COL21A1: variants seen among roughly 807,000 people sequenced by gnomAD.
The protein encoded by COL21A1 is collagen type XXI alpha 1 chain, also known as collagen alpha-1(XXI) chain.
In COL21A1, 149 loss-of-function variants were observed where a neutral mutation model predicts 137.9. The ratio of observed to expected loss-of-function variants is 1.08; its 90% CI spans 0.95 to 1.24. COL21A1 has a LOEUF of 1.24. Among genes scored for constraint, COL21A1 ranks in the 50% most tolerant of loss-of-function variants. The pLI, the probability that COL21A1 is intolerant of heterozygous loss-of-function variation, is 0.00. For missense variants in COL21A1, 1,167 were observed against 1,158.4 expected (o/e 1.01, Z -0.11); for synonymous variants, 456 against 391.5 (o/e 1.16, Z -1.95).
intron 1 of COL21A1, among the ~76,000 whole-genome samples, chr6:56,290,948 C>T (rs1171586090): frequency 6.6e-6 from 1 of 152,090 alleles, no homozygotes; most frequent in East Asian, 1.9e-4. Flanking sequence ...TCGAGAACCA[C>T]TTCTCTACAC....
chr6:56,264,425 T>C (rs968571427), intron 1 of COL21A1, among the ~76,000 whole-genome samples: 1 of 152,210 alleles, frequency 6.6e-6, no homozygotes, highest in Non-Finnish European at 1.5e-5. Flanking sequence ...CTCCTTCTCA[T>C]TCCCTTTGGG....
intron 1 of COL21A1, among the ~76,000 whole-genome samples, chr6:56,373,809 C>G (rs115618894): frequency 0.017 from 2,605 of 152,218 alleles, 65 homozygotes; most frequent in African/African-American, 0.06. Context: ...TATTATTAAC[C>G]AGTGAGGGTA....
At chr6:56,311,740 G>C (rs1764621026) in intron 1 of COL21A1, among the ~76,000 whole-genome samples, 1 of 152,168 alleles carries the variant, frequency 6.6e-6, no homozygotes, top group Non-Finnish European at 1.5e-5. Context: ...ATTAGGCCCT[G>C]GGCTGAGCCT....
At chr6:56,363,783 C>G (rs1388801876) in intron 1 of COL21A1, among the ~76,000 whole-genome samples, 1 of 37,510 alleles carries the variant, frequency 2.7e-5, no homozygotes, top group Non-Finnish European at 5.3e-5. Flanking sequence ...CAAAATACCC[C>G]CCGACACATT....
intron 1 of COL21A1, among the ~76,000 whole-genome samples, chr6:56,287,239 C>G (rs1332372005): frequency 6.6e-6 from 1 of 152,192 alleles, no homozygotes; most frequent in African/African-American, 2.4e-5. Flanking sequence ...TTTTCAAACT[C>G]TTTTACATTG....
intron 1 of COL21A1, among the ~76,000 whole-genome samples, chr6:56,186,632 G>A (rs1368292287): frequency 1.3e-5 from 2 of 152,128 alleles, no homozygotes; most frequent in Admixed American, 1.3e-4. Flanking sequence ...GTAGAACAAA[G>A]TGAATTTAGC....
chr6:56,110,354 T>G (rs934654366), intron 16 of COL21A1, among the ~76,000 whole-genome samples: 2 of 151,668 alleles, frequency 1.3e-5, no homozygotes, highest in African/African-American at 4.8e-5. Flanking sequence ...CTCATCCTGA[T>G]GCAGGGCTTT....
At chr6:56,359,024 A>G (rs1765902326) in intron 1 of COL21A1, among the ~76,000 whole-genome samples, 1 of 151,596 alleles carries the variant, frequency 6.6e-6, no homozygotes, top group South Asian at 2.1e-4. Context: ...TAATATATTG[A>G]ATAATTTTTC....
intron 16 of COL21A1, among the ~76,000 whole-genome samples, chr6:56,121,921 G>A (rs955529161): frequency 6.6e-6 from 1 of 151,976 alleles, no homozygotes; most frequent in South Asian, 2.1e-4. Flanking sequence ...TTGTTTTTAG[G>A]AGACCCATGC....
chr6:56,219,405 C>T (rs563873384), intron 1 of COL21A1, among the ~76,000 whole-genome samples: 1 of 151,852 alleles, frequency 6.6e-6, no homozygotes, highest in Admixed American at 6.6e-5. Context: ...CAGAAAGGGC[C>T]CAATTCTTCT....
intron 1 of COL21A1, among the ~76,000 whole-genome samples, chr6:56,285,827 G>A (rs1348065913): frequency 1.4e-5 from 2 of 144,346 alleles, no homozygotes; most frequent in African/African-American, 5.2e-5. Flanking sequence ...CATCCTGAAG[G>A]CACAGTCTTT....
chr6:56,169,594 G>A (rs918034756), intron 5 of COL21A1, among the ~76,000 whole-genome samples: 4 of 151,808 alleles, frequency 2.6e-5, no homozygotes, highest in African/African-American at 9.7e-5. Context: ...TAAAAACCCT[G>A]CATTTTATTA....
rs374806853 is a variant in COL21A1 at position 56,389,465 on chromosome 6, G to C, written c.-39+4506C>G. On this transcript the variant is annotated intron_variant, in intron 1 of 28. Coordinates refer to the COL21A1 transcript ENST00000370819. Reference sequence around the variant, plus strand: ...AGTAGACTTAAAATGACAGATCTAAGAGTTACTGGCCTTAAAGAGGATGTA... The same window carrying C: ...AGTAGACTTAAAATGACAGATCTAACAGTTACTGGCCTTAAAGAGGATGTA... Among the ~76,000 whole-genome samples the C allele has an allele frequency of 2.7e-5, 4 of 150,800 alleles. No individual in the cohort carries two copies. In the South Asian group the frequency reaches 6.3e-4, roughly 24 times the overall value.
chr6:56,293,614 A>G (rs780145633), intron 1 of COL21A1, among the ~76,000 whole-genome samples: 15 of 152,148 alleles, frequency 9.9e-5, no homozygotes, highest in South Asian at 2.1e-4. Context: ...ACATGAGATT[A>G]TAGATAAAAA....
At chr6:56,320,666 C>T (rs1177170857) in intron 1 of COL21A1, among the ~76,000 whole-genome samples, 1 of 152,068 alleles carries the variant, frequency 6.6e-6, no homozygotes, top group African/African-American at 2.4e-5. Context: ...TTTTCTGCTT[C>T]CCCTCCCTAG....
chr6:56,240,213 A>C (rs1782203798), intron 1 of COL21A1, among the ~76,000 whole-genome samples: 1 of 150,466 alleles, frequency 6.6e-6, no homozygotes, highest in African/African-American at 2.5e-5. Context: ...CTTTATCAGC[A>C]GTGTGAGAAC....
At chr6:56,120,738 G>A (rs1226606526) in intron 16 of COL21A1, among the ~76,000 whole-genome samples, 1 of 151,090 alleles carries the variant, frequency 6.6e-6, no homozygotes, top group African/African-American at 2.4e-5. Context: ...AGGTTGCAGT[G>A]AGCTGAGATC....
chr6:56,205,315 A>C (rs1460891101), intron 1 of COL21A1, among the ~76,000 whole-genome samples: 2 of 152,182 alleles, frequency 1.3e-5, no homozygotes, highest in Non-Finnish European at 2.9e-5. Context: ...TGAAAAACAC[A>C]GGACGAGAAC....
At chr6:56,354,613 G>A (rs9349818) in intron 1 of COL21A1, among the ~76,000 whole-genome samples, 39,783 of 152,118 alleles carry the variant, frequency 0.26, 6,439 homozygotes, top group East Asian at 0.72. Context: ...TGGGCATGGC[G>A]GCTCATGCCT....
Sources: gnomAD v4.1 joint callset for allele counts (sites outside exome capture counted in the v4.1 genomes callset) on GRCh38, gnomAD v4.1.1 for gene constraint, MANE v1.5 for transcripts, NCBI Gene and HGNC (gene_info 2026-07-23, HGNC 2026-07-21) for gene names.